Variants in NR3C2 observed in about 807,000 individuals in gnomAD.
NR3C2 encodes the protein mineralocorticoid receptor.
NR3C2 carries 15 observed loss-of-function variants against 86.4 expected under a neutral mutation model. The ratio of observed to expected loss-of-function variants is 0.17; its 90% CI spans 0.12 to 0.27. NR3C2 has a LOEUF of 0.27. NR3C2 is among the 10% of genes least tolerant of loss of function. NR3C2 has a pLI of 1.00. For synonymous variants in NR3C2, 458 were observed against 450.5 expected (o/e 1.02, Z -0.21); for missense variants, 960 against 1,195.6 (o/e 0.80, Z 2.91).
At chr4:148,209,474 GGGA>G (rs1458916452) in intron 3 of NR3C2, among the ~76,000 whole-genome samples, 1 of 152,014 alleles carries the variant, frequency 6.6e-6, no homozygotes, top group African/African-American at 2.4e-5. Flanking sequence ...CGGGGTGGGT[GGGA>G]GGTAGAGACA....
chr4:148,356,789 G>C (rs1255085638), intron 2 of NR3C2, among the ~76,000 whole-genome samples: 1 of 152,112 alleles, frequency 6.6e-6, no homozygotes, highest in Non-Finnish European at 1.5e-5. Context: ...ACTCTCTGAT[G>C]CAAGAAATCA....
chr4:148,373,858 A>G (rs1455807614), intron 2 of NR3C2, among the ~76,000 whole-genome samples: 1 of 152,212 alleles, frequency 6.6e-6, no homozygotes, highest in Non-Finnish European at 1.5e-5. Flanking sequence ...AATAGGATAT[A>G]TCTGTGAAAC....
At chr4:148,188,769 G>C (rs1243060742) in intron 4 of NR3C2, among the ~76,000 whole-genome samples, 4 of 152,064 alleles carry the variant, frequency 2.6e-5, no homozygotes, top group Non-Finnish European at 5.9e-5. Flanking sequence ...CCAGTACTAT[G>C]TTGAAGAGGA....
chr4:148,428,536 T>C (rs1353361106), intron 2 of NR3C2, among the ~76,000 whole-genome samples: 1 of 152,198 alleles, frequency 6.6e-6, no homozygotes, highest in Non-Finnish European at 1.5e-5. Flanking sequence ...TGCCAGTAAC[T>C]TACCCATACT....
At chr4:148,186,492 A>G (rs1735896815) in intron 4 of NR3C2, among the ~76,000 whole-genome samples, 1 of 152,118 alleles carries the variant, frequency 6.6e-6, no homozygotes, top group Admixed American at 6.6e-5. Flanking sequence ...TTTATTTCAT[A>G]TAGTCATCTT....
chr4:148,209,163 G>A (rs1161970585), intron 3 of NR3C2, among the ~76,000 whole-genome samples: 1 of 150,572 alleles, frequency 6.6e-6, no homozygotes, highest in Non-Finnish European at 1.5e-5. Context: ...AGAATGGCGT[G>A]AACCCAGGAG....
chr4:148,153,833 AC>A (rs1249043718), intron 5 of NR3C2, among the ~76,000 whole-genome samples: 1 of 152,074 alleles, frequency 6.6e-6, no homozygotes, highest in Non-Finnish European at 1.5e-5. Context: ...CTTACAACTT[AC>A]TTGCTAGGCC....
intron 3 of NR3C2, among the ~76,000 whole-genome samples, chr4:148,228,491 C>T (rs957816092): frequency 6.6e-6 from 1 of 152,068 alleles, no homozygotes; most frequent in Non-Finnish European, 1.5e-5. Context: ...GATTTTTTTG[C>T]CAGCTTTTCA....
chr4:148,093,381 G>A (rs61763148), intron 8 of NR3C2, among the ~76,000 whole-genome samples: 66 of 152,326 alleles, frequency 4.3e-4, no homozygotes, highest in Non-Finnish European at 7.3e-4. Flanking sequence ...CACTGCTGCT[G>A]TTCTGAGGTT....
intron 3 of NR3C2, among the ~76,000 whole-genome samples, chr4:148,221,679 G>A (rs1737854330): frequency 6.6e-6 from 1 of 152,042 alleles, no homozygotes; most frequent in South Asian, 2.1e-4. Flanking sequence ...GATCACTTGA[G>A]GCCAGGAATT....
intron 2 of NR3C2, among the ~76,000 whole-genome samples, chr4:148,357,840 T>C (rs1357118601): frequency 1.3e-5 from 2 of 152,188 alleles, no homozygotes; most frequent in Non-Finnish European, 2.9e-5. Context: ...GGCAAAGGTT[T>C]GATGAGGAGG....
intron 3 of NR3C2, among the ~76,000 whole-genome samples, chr4:148,238,569 T>C (rs1270433445): frequency 6.6e-6 from 1 of 152,112 alleles, no homozygotes; most frequent in African/African-American, 2.4e-5. Context: ...TTCCATGTTT[T>C]CTCTCACTGT....
intron 2 of NR3C2, among the ~76,000 whole-genome samples, chr4:148,401,993 G>T (rs1748192672): frequency 6.6e-6 from 1 of 152,074 alleles, no homozygotes; most frequent in Non-Finnish European, 1.5e-5. Context: ...GGTCCTAAAT[G>T]GTATGGGGTA....
intron 2 of NR3C2, among the ~76,000 whole-genome samples, chr4:148,432,938 G>A (rs1456377064): frequency 6.6e-6 from 1 of 152,054 alleles, no homozygotes; most frequent in African/African-American, 2.4e-5. Context: ...TCACGTTAAA[G>A]CTTTAAAGTT....
At position 148,351,290 on chromosome 4, in the gene NR3C2, C is replaced by T. The variant is rs964043588; in HGVS notation, c.1757+83814G>A. On this transcript the variant is annotated intron_variant, in intron 2 of 8. Coordinates refer to ENST00000358102, the MANE Select transcript of NR3C2 (RefSeq NM_000901.5). ...CCTCCCAAGTAGCTGGGATTACAGG[C>T]GCAAGCTGCCATGCCCTAATTTTTT... Among the ~76,000 whole-genome samples the T allele has an allele frequency of 5.9e-5, 9 of 152,202 alleles. No homozygotes were observed. The East Asian group carries it at 7.7e-4, about 13-fold the overall frequency.
intron 2 of NR3C2, among the ~76,000 whole-genome samples, chr4:148,285,352 A>T (rs975946010): frequency 2.0e-5 from 3 of 152,256 alleles, no homozygotes; most frequent in Admixed American, 2.0e-4. Flanking sequence ...GGCATCAACA[A>T]GAGAAGCAAC....
chr4:148,127,597 A>G (rs889334462), intron 6 of NR3C2, among the ~76,000 whole-genome samples: 1 of 152,242 alleles, frequency 6.6e-6, no homozygotes, highest in African/African-American at 2.4e-5. Context: ...AACAGCTGCT[A>G]GTCTCTACTT....
At position 148,235,249 on chromosome 4, in the gene NR3C2, A is replaced by T. The variant is rs1013237129; in HGVS notation, c.1897+24729T>A. ...TTCTTTTAATAATAGTATTTAAAAAATTTAAGTGGCAATTATATATATATA... is the reference window on the plus strand; with the variant it reads ...TTCTTTTAATAATAGTATTTAAAAATTTTAAGTGGCAATTATATATATATA... On this transcript the variant is annotated intron_variant, in intron 3 of 8. Transcript: ENST00000358102. 2.8e-5 allele frequency among the ~76,000 whole-genome samples: 4 copies of T among 141,942 alleles called. No homozygotes were observed. The Admixed American group carries it at 3.0e-4, about 11-fold the overall frequency. The allele number at this position is 141,942 out of a possible 152,430, so 93.1% of individuals were successfully genotyped here. A position where few individuals can be genotyped will look rare whatever the true frequency, so the allele number is the denominator to read the frequency against.
At chr4:148,426,644 G>A (rs1749545532) in intron 2 of NR3C2, among the ~76,000 whole-genome samples, 1 of 152,044 alleles carries the variant, frequency 6.6e-6, no homozygotes, top group African/African-American at 2.4e-5. Context: ...CTTCTCAGTG[G>A]GGCACTATTC....
Sources: allele counts gnomAD v4.1 joint callset (sites outside exome capture counted in the v4.1 genomes callset), GRCh38; gene constraint gnomAD v4.1.1; transcripts MANE v1.5; gene names NCBI Gene and HGNC (gene_info 2026-07-23, HGNC 2026-07-21).